The following CAMTA1 variants were observed in gnomAD, a reference collection of about 807,000 sequenced individuals.
CAMTA1 encodes calmodulin-binding transcription activator 1.
In CAMTA1, 27 loss-of-function variants were observed where a neutral mutation model predicts 170.9. The ratio of observed to expected loss-of-function variants is 0.16; its 90% CI spans 0.12 to 0.22. The LOEUF (loss-of-function observed/expected upper bound fraction) is 0.22, where lower values mean the gene tolerates loss of function less well. Ranked by LOEUF, CAMTA1 falls within the 10% of genes least tolerant of loss-of-function variation. The pLI is 1.00. For missense variants in CAMTA1, 1,619 were observed against 2,217.2 expected (o/e 0.73, Z 5.42); for synonymous variants, 833 against 891.5 (o/e 0.93, Z 1.17).
At chr1:7,291,393 A>AGTCTC (rs1673121752) in intron 5 of CAMTA1, among the ~76,000 whole-genome samples, 1 of 152,180 alleles carries the variant, frequency 6.6e-6, no homozygotes, top group East Asian at 1.9e-4. Flanking sequence ...AGTGGGCCTC[A>AGTCTC]GTCTCGTCAT....
At chr1:7,558,169 C>T (rs12025779) in intron 6 of CAMTA1, among the ~76,000 whole-genome samples, 21,278 of 152,200 alleles carry the variant, frequency 0.14, 1,782 homozygotes, top group East Asian at 0.44. Context: ...CCCAGAGCCC[C>T]GTTCTTCCCA....
At chr1:7,492,638 CACAT>C (rs1295982972) in intron 6 of CAMTA1, among the ~76,000 whole-genome samples, 105 of 146,736 alleles carry the variant, frequency 7.2e-4, no homozygotes, top group African/African-American at 2.1e-3. Context: ...CGCACACAAA[CACAT>C]ACAATCACAC....
chr1:7,180,469 T>C (rs1651886230), intron 4 of CAMTA1, among the ~76,000 whole-genome samples: 1 of 149,360 alleles, frequency 6.7e-6, no homozygotes, highest in Admixed American at 6.7e-5. Flanking sequence ...CCATAAAAGA[T>C]CTAGAAAAAA....
At chr1:7,326,712 C>G (rs781186570) in intron 5 of CAMTA1, among the ~76,000 whole-genome samples, 1 of 152,208 alleles carries the variant, frequency 6.6e-6, no homozygotes, top group African/African-American at 2.4e-5. Context: ...GCCCTGCCAG[C>G]ACCTTGATTT....
intron 3 of CAMTA1, among the ~76,000 whole-genome samples, chr1:6,961,467 C>A (rs1394939612): frequency 6.6e-6 from 1 of 152,076 alleles, no homozygotes; most frequent in Non-Finnish European, 1.5e-5. Flanking sequence ...AGAAGGTGCG[C>A]TGCCTGCCGA....
At chr1:6,888,965 T>C (rs1673936523) in intron 3 of CAMTA1, among the ~76,000 whole-genome samples, 1 of 152,240 alleles carries the variant, frequency 6.6e-6, no homozygotes, top group African/African-American at 2.4e-5. Context: ...TTTTTAGGTA[T>C]AGCTTATTTG....
At chr1:6,916,507 T>C (rs767164749) in intron 3 of CAMTA1, among the ~76,000 whole-genome samples, 2 of 152,208 alleles carry the variant, frequency 1.3e-5, no homozygotes, top group Non-Finnish European at 2.9e-5. Flanking sequence ...ACACTCCAAA[T>C]CAATTCTCTC....
intron 3 of CAMTA1, among the ~76,000 whole-genome samples, chr1:6,905,722 G>A (rs756804228): frequency 1.3e-5 from 2 of 152,104 alleles, no homozygotes; most frequent in Non-Finnish European, 2.9e-5. Flanking sequence ...ATTGTGCTTT[G>A]TCTCTTATTA....
chr1:7,069,593 T>G (rs1386652050), intron 3 of CAMTA1, among the ~76,000 whole-genome samples: 1 of 152,090 alleles, frequency 6.6e-6, no homozygotes, highest in Non-Finnish European at 1.5e-5. Flanking sequence ...ACAGGGTCTG[T>G]CTGCCTCTCC....
At chr1:7,460,350 C>A (rs551926746) in intron 5 of CAMTA1, among the ~76,000 whole-genome samples, 5 of 152,348 alleles carry the variant, frequency 3.3e-5, no homozygotes, top group Admixed American at 1.3e-4. Flanking sequence ...ATCCTGCCCC[C>A]TCGGTACTCT....
chr1:7,226,398 G>A (rs1157233427), intron 4 of CAMTA1, among the ~76,000 whole-genome samples: 2 of 152,112 alleles, frequency 1.3e-5, no homozygotes, highest in South Asian at 2.1e-4. Context: ...CAGGTGCCCC[G>A]TGAATGCTTG....
intron 6 of CAMTA1, among the ~76,000 whole-genome samples, chr1:7,563,116 TC>T (rs1432438356): frequency 5.9e-5 from 9 of 152,196 alleles, no homozygotes; most frequent in African/African-American, 2.2e-4. Context: ...GTGTCCAGTG[TC>T]CAGGGTCCCT....
Position 7,641,946 on chromosome 1 carries a change from C to G in CAMTA1, c.664+1393C>G, listed in dbSNP as rs1030229092. On this transcript the variant is annotated intron_variant, in intron 7 of 22. Transcript: ENST00000303635. The surrounding 1 kb of genome is among the most constrained non-coding windows in gnomAD (Gnocchi z 4.5). ...CAAGCTCCTGAGCACAGCCTGCAGC[C>G]CCCCCACCCGCAGCCCCCGGCCTCT... Among the ~76,000 whole-genome samples, 12 of 152,058 alleles carry G rather than the reference C, an allele frequency of 7.9e-5. No homozygotes were observed. The highest frequency in any genetic ancestry group is 1.9e-4 in the East Asian group (1 of 5,176).
At chr1:6,841,531 C>A (rs1235879695) in intron 3 of CAMTA1, among the ~76,000 whole-genome samples, 1 of 150,656 alleles carries the variant, frequency 6.6e-6, no homozygotes, top group Non-Finnish European at 1.5e-5. Flanking sequence ...GAAGAGCCAG[C>A]GAGGTGAGGA....
intron 3 of CAMTA1, among the ~76,000 whole-genome samples, chr1:7,066,415 C>T (rs1311160167): frequency 6.6e-6 from 1 of 152,208 alleles, no homozygotes; most frequent in East Asian, 1.9e-4. Flanking sequence ...GAAGTTGAGA[C>T]AGATTTTTCT....
chr1:7,522,897 G>A (rs1171946353), intron 6 of CAMTA1, among the ~76,000 whole-genome samples: 3 of 152,142 alleles, frequency 2.0e-5, no homozygotes, highest in South Asian at 2.1e-4. Context: ...CAGGAGCTTC[G>A]CTCTTGTTGC....
intron 3 of CAMTA1, among the ~76,000 whole-genome samples, chr1:6,859,279 T>C (rs1663729047): frequency 6.6e-6 from 1 of 152,204 alleles, no homozygotes; most frequent in African/African-American, 2.4e-5. Flanking sequence ...TCCCCATTTA[T>C]ACACCATGTT....
intron 5 of CAMTA1, among the ~76,000 whole-genome samples, chr1:7,386,061 G>GC (rs1029552956): frequency 2.0e-5 from 3 of 152,096 alleles, no homozygotes; most frequent in African/African-American, 7.2e-5. Flanking sequence ...AAAGGCATTG[G>GC]CCCCCCAAAG....
intron 5 of CAMTA1, among the ~76,000 whole-genome samples, chr1:7,321,589 G>T (rs1041089328): frequency 6.6e-6 from 1 of 152,078 alleles, no homozygotes; most frequent in Non-Finnish European, 1.5e-5. Context: ...AAGCTCCTAG[G>T]CCCTTTAATC....
Sources: gnomAD v4.1 joint callset for allele counts (sites outside exome capture counted in the v4.1 genomes callset) on GRCh38, gnomAD v4.1.1 for gene constraint, Gnocchi (gnomAD v3.1) non-coding constraint, MANE v1.5 for transcripts, NCBI Gene and HGNC (gene_info 2026-07-23, HGNC 2026-07-21) for gene names.